The following PIGN variants were observed in gnomAD, a reference collection of about 807,000 sequenced individuals.
The protein encoded by PIGN is GPI ethanolamine phosphate transferase 1.
A neutral mutation model predicts 125.4 loss-of-function variants in PIGN; 117 were observed. The ratio of observed to expected loss-of-function variants is 0.93; its 90% CI spans 0.80 to 1.09. The LOEUF (loss-of-function observed/expected upper bound fraction) is 1.09, where lower values mean the gene tolerates loss of function less well. Ranked by LOEUF, PIGN falls within the 50% of genes least tolerant of loss-of-function variation. The probability of loss-of-function intolerance (pLI) is 0.00; values close to 1 mark genes in which losing one functional copy is unlikely to be tolerated. For synonymous variants in PIGN, 392 were observed against 377.8 expected (o/e 1.04, Z -0.44); for missense variants, 1,075 against 1,094.9 (o/e 0.98, Z 0.26).
chr18:62,077,105 C>T (rs142168250), intron 28 of PIGN, among the ~76,000 whole-genome samples: 2,908 of 152,142 alleles, frequency 0.019, 68 homozygotes, highest in African/African-American at 0.046. Context: ...AGAATGAGTG[C>T]GGTGGCTCAC....
chr18:62,045,883 A>G lies in PIGN; in HGVS notation c.2769T>C (p.Cys923=). ...QLLTTKKLRL[C]GKPKSHFM ...ACATGAAGTGACTTTTGGGTTTGCC[A>G]CATAGTCTGAGTTTCTTCGTTGTGA... Residue 923 remains cysteine (C), a synonymous_variant, in exon 31 of 31, where the codon TGT becomes TGC. Coordinates refer to ENST00000640252, the MANE Select transcript of PIGN (RefSeq NM_176787.5). 1.2e-6 allele frequency: 2 copies of G among 1,613,888 alleles called. No individual in the cohort carries two copies. The highest frequency in any genetic ancestry group is 1.7e-6 in the Non-Finnish European group (2 of 1,179,828).
intron 26 of PIGN, 55 bp downstream of exon 26, chr18:62,085,153 TC>T: frequency 3.2e-6 from 3 of 944,534 alleles, no homozygotes; most frequent in Non-Finnish European, 4.9e-6. Flanking sequence ...GGTATAGAAG[TC>T]CCAGGTTGCA....
At chr18:62,022,769 C>A (rs895334749) in intron 23 of PIGN, among the ~76,000 whole-genome samples, 9 of 152,094 alleles carry the variant, frequency 5.9e-5, no homozygotes, top group African/African-American at 2.2e-4. Context: ...CCATAAAACC[C>A]AAAGTACATA....
chr18:62,072,725 G>A lies in PIGN; in HGVS notation c.2620C>T (p.His874Tyr), dbSNP rs868765550. The change falls in exon 30 of 31, where the codon CAT (histidine) becomes TAT (tyrosine). Residue 874 changes from histidine to tyrosine, a missense_variant and splice_region_variant. Physicochemically the swap from His to Tyr is moderately conservative, Grantham distance 83 (BLOSUM62 2). Coordinates refer to ENST00000640252, the MANE Select transcript of PIGN (RefSeq NM_176787.5). ...VLVISDIMAL[H>Y]FFFLVKDYGS... ...TAATCCTTGACCAAGAAGAAAAAAT[G>A]CTGTAAAAAAAAAAAAAGGCTTAAT... 2.0e-6 allele frequency: 3 copies of A among 1,522,554 alleles called. No homozygotes were observed. The highest frequency in any genetic ancestry group is 2.2e-5 in the Admixed American group (1 of 45,692). 94.3% of individuals were successfully genotyped at this position (1,522,554 alleles called of 1,614,324 possible).
chr18:62,064,099 T>G (rs768815732), intron 30 of PIGN, among the ~76,000 whole-genome samples: 2 of 152,096 alleles, frequency 1.3e-5, no homozygotes, highest in Non-Finnish European at 2.9e-5. Flanking sequence ...AAAAAGAAAT[T>G]ACACCTTTTG....
intron 30 of PIGN, among the ~76,000 whole-genome samples, chr18:62,056,140 C>T (rs1182859722): frequency 6.8e-6 from 1 of 147,212 alleles, no homozygotes; most frequent in East Asian, 2.1e-4. Flanking sequence ...TAAGCATAAT[C>T]AATACCGAAA....
At chr18:62,143,601 GT>G (rs1181732453) in intron 10 of PIGN, among the ~76,000 whole-genome samples, 1 of 152,098 alleles carries the variant, frequency 6.6e-6, no homozygotes, top group Non-Finnish European at 1.5e-5. Context: ...GGAGATAATT[GT>G]TTCAAAACAT....
Position 62,025,504 on chromosome 18 carries a change from G to C in PIGN, c.2143-7763C>G, listed in dbSNP as rs866686926. Among the ~76,000 whole-genome samples the C allele has an allele frequency of 1.2e-4, 18 of 152,322 alleles. No homozygotes were observed. In the South Asian group the frequency reaches 3.1e-3, roughly 26 times the overall value. On this transcript the variant is annotated intron_variant, in intron 23 of 24. Coordinates refer to the PIGN transcript ENST00000639600. ...ACATAATGAGAGAGGCAAATAGCAA[G>C]AGATGAAGCTGGAAGCACAGCCAGG...
At chr18:62,114,400 T>TA (rs2035007340) in intron 15 of PIGN, among the ~76,000 whole-genome samples, 161 bp downstream of exon 15, 1 of 151,238 alleles carries the variant, frequency 6.6e-6, no homozygotes, top group East Asian at 1.9e-4. Context: ...TTAGTTGAAA[T>TA]AAGAGAGATC....
chr18:62,019,898 G>A (rs970425956), intron 23 of PIGN, among the ~76,000 whole-genome samples: 13 of 152,232 alleles, frequency 8.5e-5, no homozygotes, highest in Admixed American at 7.9e-4. Context: ...CCAGACTGTG[G>A]CACAGGGAGG....
intron 28 of PIGN, among the ~76,000 whole-genome samples, chr18:62,077,531 C>T (rs1184026474): frequency 6.6e-6 from 1 of 152,108 alleles, no homozygotes; most frequent in Non-Finnish European, 1.5e-5. Flanking sequence ...AGTTAAGACA[C>T]ATCTGATTAA....
At chr18:62,133,867 T>C (rs758594310) in intron 14 of PIGN, among the ~76,000 whole-genome samples, 35 of 152,328 alleles carry the variant, frequency 2.3e-4, no homozygotes, top group Admixed American at 6.5e-4. Context: ...GCATAATAAC[T>C]CTTTTTCATT....
chr18:62,091,883 C>T (rs960591004), intron 23 of PIGN, among the ~76,000 whole-genome samples: 1 of 152,146 alleles, frequency 6.6e-6, no homozygotes, highest in African/African-American at 2.4e-5. Flanking sequence ...TGGCCCAGCT[C>T]ACAAATATTT....
chr18:62,066,418 G>C (rs2032524249), intron 30 of PIGN, among the ~76,000 whole-genome samples: 1 of 152,204 alleles, frequency 6.6e-6, no homozygotes, highest in South Asian at 2.1e-4. Flanking sequence ...CTACTTTACA[G>C]TGTTACGAGG....
At chr18:62,150,946 C>T (rs1245552996) in intron 7 of PIGN, among the ~76,000 whole-genome samples, 2 of 152,122 alleles carry the variant, frequency 1.3e-5, no homozygotes, top group African/African-American at 4.8e-5. Context: ...GTGATCCACC[C>T]GCCTCGGCCT....
rs567088053 is a variant in PIGN, at chr18:62,042,511, G to A, written c.*3345C>T. The A allele has an allele frequency of 4.2e-4, 64 of 152,246 alleles. No homozygotes were observed. Among genetic ancestry groups the A allele is most frequent in the African/African-American group, 1.3e-3 (56 of 41,540 alleles). 9.4% of individuals were successfully genotyped at this position (152,246 alleles called of 1,614,324 possible). On this transcript the variant is annotated 3_prime_UTR_variant, in exon 31 of 31. Coordinates refer to ENST00000640252, the MANE Select transcript of PIGN (RefSeq NM_176787.5). The stretch of plus-strand genomic sequence containing the variant: ...TAAGTGTACCCAAGGAAATGAATAA[G>A]AGACACATCTCAAAGGTTCTTTTTG...
chr18:62,183,254 C>A (rs2037780070), intron 1 of PIGN, among the ~76,000 whole-genome samples: 1 of 103,810 alleles, frequency 9.6e-6, no homozygotes, highest in African/African-American at 2.9e-5. Context: ...AATGAAGTCA[C>A]AGCTGGAAAA....
chr18:62,147,898 T>C (rs959933294), intron 8 of PIGN, among the ~76,000 whole-genome samples: 6 of 152,184 alleles, frequency 3.9e-5, no homozygotes, highest in Admixed American at 6.5e-5. Context: ...AAATGCTTTA[T>C]ATTTTCAAGA....
Position 62,096,516 on chromosome 18 carries a change from C to CTTTTTT in PIGN, c.2078-572_2078-567dup, listed in dbSNP as rs398033140. 2.5e-3 allele frequency among the ~76,000 whole-genome samples: 212 copies of CTTTTTT among 85,648 alleles called. 15 individuals are homozygous for CTTTTTT. Among genetic ancestry groups the CTTTTTT allele is most frequent in the African/African-American group, 8.3e-3 (153 of 18,370 alleles). 56.2% of individuals were successfully genotyped at this position (85,648 alleles called of 152,430 possible). A position where few individuals can be genotyped will look rare whatever the true frequency, so the allele number is the denominator to read the frequency against. ...TATTAACTCAAAAATGAATTATTTT[C>CTTTTTT]TTTTTTTTTTTTTTTTTTTTTTTTT... On this transcript the variant is annotated intron_variant, in intron 22 of 30. Coordinates refer to ENST00000640252, the MANE Select transcript of PIGN (RefSeq NM_176787.5).
Sources: gnomAD v4.1 joint callset for allele counts (sites outside exome capture counted in the v4.1 genomes callset) on GRCh38, gnomAD v4.1.1 for gene constraint, MANE v1.5 for transcripts, NCBI Gene and HGNC (gene_info 2026-07-23, HGNC 2026-07-21) for gene names.